LIMS1: variants seen among roughly 807,000 people sequenced by gnomAD.
The protein encoded by LIMS1 is LIM and senescent cell antigen-like-containing domain protein 1.
LIMS1 carries 18 observed loss-of-function variants against 44.1 expected under a neutral mutation model. That is an observed-to-expected ratio of 0.41 (90% CI 0.28 to 0.61). The LOEUF (loss-of-function observed/expected upper bound fraction) is 0.61, where lower values mean the gene tolerates loss of function less well. Among genes scored for constraint, LIMS1 ranks in the 20% least tolerant of loss-of-function variants. The pLI is 0.32. For missense variants in LIMS1, 201 were observed against 422.0 expected (o/e 0.48, Z 4.59); for synonymous variants, 93 against 149.1 (o/e 0.62, Z 2.74).
At chr2:108,664,503 A>G (rs1691610691) in intron 2 of LIMS1, among the ~76,000 whole-genome samples, 1 of 152,230 alleles carries the variant, frequency 6.6e-6, no homozygotes, top group Admixed American at 6.5e-5. Context: ...AATTTGGACC[A>G]TTAATATTTC....
intron 2 of LIMS1, among the ~76,000 whole-genome samples, chr2:108,664,225 C>A (rs186830851): frequency 1.8e-4 from 28 of 152,286 alleles, no homozygotes; most frequent in Admixed American, 1.6e-3. Context: ...TTATGACAAA[C>A]CAGTATAAAG....
In LIMS1 at chr2:108,628,640, A is replaced by G. The variant is rs182020689; in HGVS notation, c.33-30965A>G. Among the ~76,000 whole-genome samples the G allele has an allele frequency of 1.1e-4, 16 of 152,196 alleles. No homozygotes were observed. The South Asian group carries it at 1.2e-3, about 12-fold the overall frequency. ...ACCACCACGCCCAGCTAATTTTTGT[A>G]TTTTTAGTAGAGACGGGGTTTCACC... On this transcript the variant is annotated intron_variant, in intron 1 of 9. Coordinates refer to ENST00000544547, the Ensembl canonical transcript of LIMS1.
intron 1 of LIMS1, among the ~76,000 whole-genome samples, chr2:108,631,909 C>G (rs1220357798): frequency 6.6e-6 from 1 of 152,200 alleles, no homozygotes; most frequent in African/African-American, 2.4e-5. Flanking sequence ...TCTTTAGTTT[C>G]TCAGCTCCTT....
At chr2:108,542,319 C>A (rs1684341521) in intron 1 of LIMS1, among the ~76,000 whole-genome samples, 1 of 152,188 alleles carries the variant, frequency 6.6e-6, no homozygotes, top group Non-Finnish European at 1.5e-5. Flanking sequence ...TCATAACCAC[C>A]TTCTCTTAAT....
chr2:108,603,560 T>C (rs968506345), intron 1 of LIMS1, among the ~76,000 whole-genome samples: 7 of 149,152 alleles, frequency 4.7e-5, no homozygotes, highest in Admixed American at 6.7e-5. Context: ...GCTGGAGTTA[T>C]CTTGGCTCAC....
At chr2:108,595,630 G>A (rs1340416604) in intron 1 of LIMS1, among the ~76,000 whole-genome samples, 2 of 151,946 alleles carry the variant, frequency 1.3e-5, no homozygotes, top group East Asian at 3.9e-4. Context: ...TTTTGTTGTT[G>A]TTGTTGTTGT....
At chr2:108,597,788 G>T (rs1037541595) in intron 1 of LIMS1, among the ~76,000 whole-genome samples, 1 of 149,422 alleles carries the variant, frequency 6.7e-6, no homozygotes, top group Non-Finnish European at 1.5e-5. Flanking sequence ...TGCCTCCTAG[G>T]TTCAAGTGAT....
chr2:108,572,223 A>G (rs1573350136), intron 1 of LIMS1, among the ~76,000 whole-genome samples: 1 of 151,626 alleles, frequency 6.6e-6, no homozygotes, highest in East Asian at 1.9e-4. Flanking sequence ...TCTCTCCCTT[A>G]CTTAAACTTC....
At chr2:108,572,919 AC>A (rs1279022291) in intron 1 of LIMS1, among the ~76,000 whole-genome samples, 2 of 152,066 alleles carry the variant, frequency 1.3e-5, no homozygotes, top group Admixed American at 1.3e-4. Context: ...GCAGTAGTAA[AC>A]TTGTATTGTG....
intron 6 of LIMS1, among the ~76,000 whole-genome samples, chr2:108,676,291 C>T (rs1692559768): frequency 1.3e-5 from 2 of 152,148 alleles, no homozygotes; most frequent in South Asian, 4.1e-4. Context: ...TACTTTTGCT[C>T]CTAAAGCCTT....
At chr2:108,559,182 T>A (rs1685029570) in intron 1 of LIMS1, among the ~76,000 whole-genome samples, 1 of 152,144 alleles carries the variant, frequency 6.6e-6, no homozygotes. Flanking sequence ...GCACATAAAG[T>A]TCTCTGTAGA....
At chr2:108,588,462 C>T in intron 1 of LIMS1, 1 of 985,532 alleles carries the variant, frequency 1.0e-6, no homozygotes, top group African/African-American at 1.7e-5. Context: ...GAGGGAGGTT[C>T]TTTACTCTTG....
intron 1 of LIMS1, among the ~76,000 whole-genome samples, chr2:108,535,941 A>C (rs966797642): frequency 1.3e-5 from 2 of 152,212 alleles, no homozygotes; most frequent in African/African-American, 4.8e-5. Context: ...CCATTTGGTC[A>C]CAAGTAACAA....
intron 1 of LIMS1, among the ~76,000 whole-genome samples, chr2:108,630,732 G>C (rs762927173): frequency 1.2e-4 from 18 of 152,140 alleles, no homozygotes; most frequent in Admixed American, 5.9e-4. Context: ...TCAGCTACCT[G>C]TGTGTCTGTT....
intron 1 of LIMS1, among the ~76,000 whole-genome samples, chr2:108,581,499 A>G (rs988565898): frequency 6.6e-6 from 1 of 152,196 alleles, no homozygotes; most frequent in African/African-American, 2.4e-5. Flanking sequence ...TCTTACTCAA[A>G]TAAACTCTTT....
chr2:108,641,330 T>A (rs1176433331), intron 1 of LIMS1, among the ~76,000 whole-genome samples: 1 of 152,202 alleles, frequency 6.6e-6, no homozygotes, highest in Non-Finnish European at 1.5e-5. Context: ...GAAGAGAGTC[T>A]CTAACTCTTT....
At chr2:108,585,463 A>T (rs1159667705) in intron 1 of LIMS1, among the ~76,000 whole-genome samples, 2 of 152,086 alleles carry the variant, frequency 1.3e-5, no homozygotes, top group African/African-American at 4.8e-5. Flanking sequence ...CATGAGTTTG[A>T]GTTGCCTGTG....
intron 1 of LIMS1, among the ~76,000 whole-genome samples, chr2:108,563,234 C>T (rs192178759): frequency 5.3e-5 from 8 of 152,296 alleles, no homozygotes; most frequent in Middle Eastern, 3.4e-3. Flanking sequence ...CATTCTGCAG[C>T]GCAGGGATCA....
intron 1 of LIMS1, among the ~76,000 whole-genome samples, chr2:108,637,099 A>ATATGTG (rs372431532): frequency 1.7e-3 from 164 of 98,602 alleles, no homozygotes; most frequent in African/African-American, 4.9e-3. Context: ...ATATACATAT[A>ATATGTG]TGTGTGTGTG....
Sources: allele counts gnomAD v4.1 joint callset (sites outside exome capture counted in the v4.1 genomes callset), GRCh38; gene constraint gnomAD v4.1.1; transcripts MANE v1.5; gene names NCBI Gene and HGNC (gene_info 2026-07-23, HGNC 2026-07-21).